EVI5L: variants seen among roughly 807,000 people sequenced by gnomAD.
EVI5L encodes the protein ecotropic viral integration site 5 like, also known as EVI5-like protein.
In EVI5L, 30 loss-of-function variants were observed where a neutral mutation model predicts 106.1. The ratio of observed to expected loss-of-function variants is 0.28; its 90% CI spans 0.21 to 0.38. The LOEUF (loss-of-function observed/expected upper bound fraction) is 0.38. EVI5L is among the 10% of genes least tolerant of loss of function. The probability of loss-of-function intolerance (pLI) is 1.00; values close to 1 mark genes in which losing one functional copy is unlikely to be tolerated. For missense variants in EVI5L, 809 were observed against 1,098.0 expected, an observed-to-expected ratio of 0.74 and a Z score of 3.72; for synonymous variants, 489 against 483.3, an observed-to-expected ratio of 1.01 and a Z score of -0.15.
chr19:7,839,782 G>T (rs1323110573), intron 1 of EVI5L, among the ~76,000 whole-genome samples: 2 of 151,948 alleles, frequency 1.3e-5, no homozygotes, highest in Non-Finnish European at 1.5e-5. Flanking sequence ...AATTGGCAAG[G>T]CATGGTGGCG....
chr19:7,839,759 C>A (rs1645005), intron 1 of EVI5L, among the ~76,000 whole-genome samples: 110,011 of 151,360 alleles, frequency 0.73, 40,459 homozygotes, highest in South Asian at 0.84. Context: ...CCCCAAGTCT[C>A]CAAAATTAGA....
Position 7,863,014 on chromosome 19 carries a change from A to C in EVI5L, c.1990A>C (p.Ser664Arg), listed in dbSNP as rs776732453. 1 of 1,581,832 alleles carries C rather than the reference A, an allele frequency of 6.3e-7. No homozygotes were observed. Among genetic ancestry groups the C allele is most frequent in the African/African-American group, 1.4e-5 (1 of 72,742 alleles). Residue 664 changes from serine to arginine, a missense_variant, in exon 18 of 20, where the codon AGC (serine) becomes CGC (arginine). By Grantham distance (110) the Ser-to-Arg change is moderately radical. Coordinates refer to ENST00000538904, the MANE Select transcript of EVI5L (RefSeq NM_001159944.3). The surrounding 1 kb of genome is among the most constrained non-coding windows in gnomAD (Gnocchi z 7.7). ...GGCTGTGCGACTGCGGGAGGCGGAC[A>C]GCATGGCTGCGGTGGCCGAGATGCG... is the stretch of plus-strand genomic sequence containing the variant. Reference protein sequence around the residue: ...VMAVRLREADSMAAVAEMRQR... With the variant: ...VMAVRLREADRMAAVAEMRQR...
rs116138693 is a variant in EVI5L, at chr19:7,850,211, G to A, written c.753+89G>A. 2.2e-3 allele frequency: 3,258 copies of A among 1,507,646 alleles called. 57 individuals are homozygous for A. The African/African-American group carries it at 0.036, about 17-fold the overall frequency. The allele number at this position is 1,507,646 out of a possible 1,614,324, so 93.4% of individuals were successfully genotyped here. On this transcript the variant is annotated intron_variant, in intron 6 of 19. Transcript: ENST00000538904. The surrounding 1 kb of genome is among the most constrained non-coding windows in gnomAD (Gnocchi z 5.4). ...AGGGAGCAGGATCGCAGAAGGGCAG[G>A]GCTGGCACCCTAGACCATACCCGGG...
chr19:7,861,498 G>C (rs1375684608), intron 14 of EVI5L, among the ~76,000 whole-genome samples: 1 of 152,242 alleles, frequency 6.6e-6, no homozygotes, highest in Non-Finnish European at 1.5e-5. Flanking sequence ...GGACTGCCTG[G>C]CCTGGTGTGG....
Position 7,862,286 on chromosome 19 carries a change from G to T in EVI5L, c.1800+9G>T. On this transcript the variant is annotated intron_variant, in intron 16 of 19. Coordinates refer to ENST00000538904, the MANE Select transcript of EVI5L (RefSeq NM_001159944.3). ...TGGAACTTGAGACGCAGGTGGACTCGGGGGGCCTGCTCGTTGGGGAAGGGG... is the reference window on the plus strand; with the variant it reads ...TGGAACTTGAGACGCAGGTGGACTCTGGGGGCCTGCTCGTTGGGGAAGGGG... 1 of 1,582,138 alleles carries T rather than the reference G, an allele frequency of 6.3e-7. No individual in the cohort carries two copies. Among genetic ancestry groups the T allele is most frequent in the Non-Finnish European group, 8.6e-7 (1 of 1,164,190 alleles).
At chr19:7,847,944 G>GGCAGGCAA in intron 3 of EVI5L, 23 bp downstream of exon 3, 1 of 1,526,980 alleles carries the variant, frequency 6.5e-7, no homozygotes, top group African/African-American at 1.4e-5. Flanking sequence ...CAGGCAGGCA[G>GGCAGGCAA]GGCTGGGCCG....
In EVI5L at chr19:7,849,449, T is replaced by C. The variant is rs1322252505; in HGVS notation, c.627+119T>C. The C allele has an allele frequency of 2.4e-5, 25 of 1,063,514 alleles. No individual in the cohort carries two copies. In the East Asian group the frequency reaches 4.6e-4, roughly 20 times the overall value. 65.9% of individuals were successfully genotyped at this position (1,063,514 alleles called of 1,614,324 possible). On this transcript the variant is annotated intron_variant, in intron 5 of 19. Coordinates refer to ENST00000538904, the MANE Select transcript of EVI5L (RefSeq NM_001159944.3). ...CCAGCGTCTTGCTAGGGGTAGATCC[T>C]CCTTCTCCATCCACACCCGTGACCT... is the stretch of plus-strand genomic sequence containing the variant.
At chr19:7,853,399 T>C in intron 10 of EVI5L, 66 bp downstream of exon 10, 1 of 1,559,236 alleles carries the variant, frequency 6.4e-7, no homozygotes. Flanking sequence ...CTCCGTACTC[T>C]AAAGATCGGC....
intron 17 of EVI5L, 109 bp downstream of exon 17, chr19:7,862,643 C>T (rs1393166583): frequency 2.0e-6 from 2 of 1,017,188 alleles, no homozygotes; most frequent in Non-Finnish European, 2.6e-6. Context: ...TCCCGATCTG[C>T]CCCTGCCCGC....
chr19:7,862,747 C>A (rs1358035077), intron 17 of EVI5L, among the ~76,000 whole-genome samples: 1 of 124,620 alleles, frequency 8.0e-6, no homozygotes, highest in Non-Finnish European at 1.8e-5. Flanking sequence ...ACCACCCCCC[C>A]CCGCGGTCCC....
Position 7,831,036 on chromosome 19 carries a change from T to C in EVI5L, c.-48+655T>C, listed in dbSNP as rs112371813. On this transcript the variant is annotated intron_variant, in intron 1 of 19. Coordinates refer to ENST00000538904, the MANE Select transcript of EVI5L (RefSeq NM_001159944.3). ...CCCATCTCCCACCCCAGCTGCCACATGCCCAAGGGCACCCCTAAACACCAC... is the reference window on the plus strand; with the variant it reads ...CCCATCTCCCACCCCAGCTGCCACACGCCCAAGGGCACCCCTAAACACCAC... 1.9e-3 allele frequency among the ~76,000 whole-genome samples: 288 copies of C among 149,534 alleles called. 1 individual carries two copies. Among genetic ancestry groups the C allele is most frequent in the African/African-American group, 6.4e-3 (258 of 40,420 alleles).
intron 14 of EVI5L, 132 bp from the exon 15 acceptor site, chr19:7,861,746 G>A (rs1326359525): frequency 8.1e-7 from 1 of 1,241,194 alleles, no homozygotes; most frequent in Non-Finnish European, 1.1e-6. Flanking sequence ...GCCTTGTCAA[G>A]GGGGTCGCCC....
intron 1 of EVI5L, among the ~76,000 whole-genome samples, chr19:7,843,520 A>T (rs1978797824): frequency 7.5e-6 from 1 of 134,228 alleles, no homozygotes; most frequent in African/African-American, 2.9e-5. Context: ...AGTGTGTGTG[A>T]GAATAGGCAT....
At chr19:7,853,414 A>C in intron 10 of EVI5L, 81 bp downstream of exon 10, 1 of 1,537,010 alleles carries the variant, frequency 6.5e-7, no homozygotes, top group Non-Finnish European at 8.8e-7. Flanking sequence ...ATCGGCCGCT[A>C]GGGGGCGGGC....
chr19:7,830,702 C>T (rs1978290513), intron 1 of EVI5L, among the ~76,000 whole-genome samples: 2 of 148,160 alleles, frequency 1.3e-5, no homozygotes, highest in South Asian at 4.4e-4. Context: ...CGGGAACCCC[C>T]TCAGGGCTCC....
intron 10 of EVI5L, 196 bp downstream of exon 10, chr19:7,853,529 A>C: frequency 1.4e-6 from 1 of 692,628 alleles, no homozygotes. Flanking sequence ...CCCCCGCCTG[A>C]CGCCGCGGTA....
intron 10 of EVI5L, among the ~76,000 whole-genome samples, chr19:7,854,229 G>C (rs2146432019): frequency 6.8e-6 from 1 of 147,560 alleles, no homozygotes; most frequent in Admixed American, 6.9e-5. Context: ...TTACAGTGAG[G>C]CAAGATTGTA....
rs1305433036 is a variant in EVI5L, at chr19:7,835,972, C to T, written c.-48+5591C>T. 6.6e-6 allele frequency among the ~76,000 whole-genome samples: 1 copy of T among 152,040 alleles called. No homozygotes were observed. The highest frequency in any genetic ancestry group is 1.9e-4 in the East Asian group (1 of 5,200). ...GGGGGTAGGGCCGGGCGTGGTGGCTCACACCTGTGATCTCGGTACTTTGGG... is the reference window on the plus strand; with the variant it reads ...GGGGGTAGGGCCGGGCGTGGTGGCTTACACCTGTGATCTCGGTACTTTGGG... On this transcript the variant is annotated intron_variant, in intron 1 of 19. Coordinates refer to ENST00000538904, the MANE Select transcript of EVI5L (RefSeq NM_001159944.3). This position sits in a 1 kb window ranked among gnomAD's most constrained non-coding sequence, Gnocchi z 4.1.
At chr19:7,844,166 C>T (rs934736994) in intron 1 of EVI5L, among the ~76,000 whole-genome samples, 2 of 151,680 alleles carry the variant, frequency 1.3e-5, no homozygotes, top group African/African-American at 4.9e-5. Context: ...GCCTGACCAA[C>T]ATGGTGAAAC....
Sources: gnomAD v4.1 joint callset for allele counts (sites outside exome capture counted in the v4.1 genomes callset) on GRCh38, gnomAD v4.1.1 for gene constraint, Gnocchi (gnomAD v3.1) non-coding constraint, MANE v1.5 for transcripts, NCBI Gene and HGNC (gene_info 2026-07-23, HGNC 2026-07-21) for gene names.